MYO18B: variants seen among roughly 807,000 people sequenced by gnomAD.
MYO18B encodes myosin XVIIIB.
Under a neutral mutation model 273.0 loss-of-function variants are expected in MYO18B, and 204 were observed. The ratio of observed to expected loss-of-function variants is 0.75; its 90% CI spans 0.67 to 0.84. The LOEUF (loss-of-function observed/expected upper bound fraction) is 0.84. MYO18B is among the 40% of genes least tolerant of loss of function. The probability of loss-of-function intolerance (pLI) is 0.00; values close to 1 mark genes in which losing one functional copy is unlikely to be tolerated. For synonymous variants in MYO18B, 1,330 were observed against 1,305.7 expected (o/e 1.02, Z -0.40); for missense variants, 3,212 against 3,287.6 (o/e 0.98, Z 0.56).
In MYO18B at chr22:25,833,145, C is replaced by T. The variant is rs370859943; in HGVS notation, c.3060+148C>T. 3.3e-5 allele frequency: 23 copies of T among 700,618 alleles called. No individual in the cohort carries two copies. In the African/African-American group the frequency reaches 3.7e-4, roughly 11 times the overall value. The allele number at this position is 700,618 out of a possible 1,614,324, so 43.4% of individuals were successfully genotyped here. On this transcript the variant is annotated intron_variant, in intron 16 of 43. Transcript: ENST00000335473. ...TCATTGGCAACGTGGATGCCTGGGACCCAACCCCAGATTCTGTGTAAATTG... is the reference window on the plus strand; with the variant it reads ...TCATTGGCAACGTGGATGCCTGGGATCCAACCCCAGATTCTGTGTAAATTG...
intron 39 of MYO18B, among the ~76,000 whole-genome samples, chr22:25,976,514 A>G (rs369231722): frequency 1.3e-5 from 2 of 152,224 alleles, no homozygotes; most frequent in Non-Finnish European, 2.9e-5. Context: ...ATGGAAACCA[A>G]TCAGGTCCAG....
rs547280689 is a variant in MYO18B, at chr22:25,916,888, C to A, written c.5365-4369C>A. ...CTCTGCTAAAAATATAAAAATTGGC[C>A]GGGTGTTGTGGCGGGCACCTGTAAT... On this transcript the variant is annotated intron_variant, in intron 33 of 43. Transcript: ENST00000335473. 2.6e-5 allele frequency among the ~76,000 whole-genome samples: 4 copies of A among 152,102 alleles called. No individual in the cohort carries two copies. The East Asian group carries it at 7.7e-4, about 29-fold the overall frequency.
intron 6 of MYO18B, among the ~76,000 whole-genome samples, chr22:25,771,430 A>G (rs1327466323): frequency 6.6e-6 from 1 of 152,238 alleles, no homozygotes; most frequent in African/African-American, 2.4e-5. Flanking sequence ...ATATTTTGGC[A>G]TCAAACTTTC....
chr22:25,800,501 C>T (rs1284205253), intron 12 of MYO18B, among the ~76,000 whole-genome samples: 1 of 152,112 alleles, frequency 6.6e-6, no homozygotes, highest in African/African-American at 2.4e-5. Flanking sequence ...GGGGAAGGAC[C>T]CCAGAAGGCT....
At chr22:25,798,400 G>A (rs1187895789) in intron 12 of MYO18B, among the ~76,000 whole-genome samples, 9 of 152,112 alleles carry the variant, frequency 5.9e-5, no homozygotes, top group Non-Finnish European at 1.2e-4. Flanking sequence ...ATAGTAGTGC[G>A]ACTGAGGAAT....
chr22:25,914,275 A>G (rs2092218377), intron 33 of MYO18B, among the ~76,000 whole-genome samples: 1 of 152,350 alleles, frequency 6.6e-6, no homozygotes, highest in African/African-American at 2.4e-5. Flanking sequence ...AGGTTCTACA[A>G]CAAAACCTGA....
At chr22:25,932,407 C>CTT (rs2092517428) in intron 34 of MYO18B, among the ~76,000 whole-genome samples, 1 of 77,950 alleles carries the variant, frequency 1.3e-5, no homozygotes, top group Admixed American at 1.2e-4. Flanking sequence ...TTTTTCTTTT[C>CTT]TTTCTTTTTT....
rs5996987 is a variant in MYO18B at position 25,845,359 on chromosome 22, A to C, written c.3369-741A>C. Reference sequence around the variant, plus strand: ...TGGTGAAACCCTGTCTCTACTAAAAACACAAAAATTAGCTGGGCCTGGTGG... The same window carrying C: ...TGGTGAAACCCTGTCTCTACTAAAACCACAAAAATTAGCTGGGCCTGGTGG... On this transcript the variant is annotated intron_variant, in intron 18 of 43. Coordinates refer to ENST00000335473, the MANE Select transcript of MYO18B (RefSeq NM_032608.7). Among the ~76,000 whole-genome samples, 1,129 of 152,286 alleles carry C rather than the reference A, an allele frequency of 7.4e-3. 12 individuals are homozygous for C. Among genetic ancestry groups the C allele is most frequent in the African/African-American group, 0.026 (1,078 of 41,554 alleles).
chr22:25,759,276 C>A (rs562742040), intron 1 of MYO18B, among the ~76,000 whole-genome samples: 1 of 152,100 alleles, frequency 6.6e-6, no homozygotes, highest in African/African-American at 2.4e-5. Context: ...AGACTTGGAA[C>A]GAACCCCAAT....
chr22:25,794,665 C>T (rs916508654), intron 11 of MYO18B, among the ~76,000 whole-genome samples: 12 of 152,032 alleles, frequency 7.9e-5, no homozygotes, highest in East Asian at 5.8e-4. Flanking sequence ...CCACTTCGCC[C>T]GGCTAAGTTT....
At chr22:25,950,571 ATTTG>A (rs928621991) in intron 37 of MYO18B, 121 bp downstream of exon 37, 9 of 332,772 alleles carry the variant, frequency 2.7e-5, no homozygotes, top group Middle Eastern at 1.1e-3. Context: ...TTGTTTGTTT[ATTTG>A]TTTATTTATT....
chr22:25,743,242 C>T (rs972277829), intron 1 of MYO18B, among the ~76,000 whole-genome samples: 3 of 152,260 alleles, frequency 2.0e-5, no homozygotes, highest in African/African-American at 7.2e-5. Flanking sequence ...GATGCTGCCT[C>T]ATTCAGTGCA....
At chr22:25,834,135 T>C (rs1046547764) in intron 16 of MYO18B, among the ~76,000 whole-genome samples, 1 of 149,650 alleles carries the variant, frequency 6.7e-6, no homozygotes, top group African/African-American at 2.4e-5. Context: ...ATAGCTACCT[T>C]CTTCTTCTTT....
chr22:25,989,767 CAAAAAAAAAA>C (rs67095758), intron 39 of MYO18B, among the ~76,000 whole-genome samples: 1 of 80,420 alleles, frequency 1.2e-5, no homozygotes, highest in African/African-American at 5.1e-5. Context: ...GACTCCGTCT[CAAAAAAAAAA>C]AAAAAAAAAA....
In MYO18B at chr22:26,026,914, G is replaced by T. The variant is rs746867546; in HGVS notation, c.6940G>T (p.Glu2314Ter). The T allele has an allele frequency of 6.2e-7, 1 of 1,609,460 alleles. No homozygotes were observed. Among genetic ancestry groups the T allele is most frequent in the Non-Finnish European group, 8.5e-7 (1 of 1,177,056 alleles). ...TGGGGCAAAGTCACCCCTGGAAATCGAAGGGGCCGCTGGTGGTCTCTTGAG... is the reference window on the plus strand; with the variant it reads ...TGGGGCAAAGTCACCCCTGGAAATCTAAGGGGCCGCTGGTGGTCTCTTGAG... ...RVGAKSPLEIEGAAGGLLRST... is the reference protein window; with the variant it reads ...RVGAKSPLEI Residue 2314 changes from glutamate to a stop codon, truncating the protein, a stop_gained, in exon 43 of 44, where the codon GAA becomes TAA. Transcript: ENST00000335473. LOFTEE classifies it high-confidence loss of function.
intron 37 of MYO18B, among the ~76,000 whole-genome samples, chr22:25,950,846 A>C (rs2146622458): frequency 6.6e-6 from 1 of 152,182 alleles, no homozygotes; most frequent in East Asian, 1.9e-4. Context: ...TGCTGGGATT[A>C]TAGGTGTGAA....
At chr22:25,813,975 A>T (rs2088881296) in intron 12 of MYO18B, among the ~76,000 whole-genome samples, 1 of 152,212 alleles carries the variant, frequency 6.6e-6, no homozygotes, top group African/African-American at 2.4e-5. Context: ...GCAGGGATTT[A>T]TTCTGCATTT....
At chr22:25,835,221 C>T (rs1370007029) in intron 16 of MYO18B, 75 bp from the exon 17 acceptor site, 11 of 1,504,018 alleles carry the variant, frequency 7.3e-6, no homozygotes, top group South Asian at 2.6e-5. Context: ...CATTCCCTAT[C>T]GGTGGGAAGA....
At chr22:26,026,186 C>T (rs1326326312) in intron 42 of MYO18B, among the ~76,000 whole-genome samples, 1 of 152,154 alleles carries the variant, frequency 6.6e-6, no homozygotes, top group Non-Finnish European at 1.5e-5. Flanking sequence ...TTCATCCGTC[C>T]TAGCTGCAGT....
Sources: allele counts gnomAD v4.1 joint callset (sites outside exome capture counted in the v4.1 genomes callset), GRCh38; gene constraint gnomAD v4.1.1; transcripts MANE v1.5; gene names NCBI Gene and HGNC (gene_info 2026-07-23, HGNC 2026-07-21).